IL10: variants seen among roughly 807,000 people sequenced by gnomAD.
The protein encoded by IL10 is interleukin-10.
Under a neutral mutation model 21.0 loss-of-function variants are expected in IL10, and 7 were observed. That is an observed-to-expected ratio of 0.33 (90% CI 0.19 to 0.63). The LOEUF (loss-of-function observed/expected upper bound fraction) is 0.63. Among genes scored for constraint, IL10 ranks in the 20% least tolerant of loss-of-function variants. The pLI is 0.77. For synonymous variants in IL10, 83 were observed against 79.7 expected, an observed-to-expected ratio of 1.04 and a Z score of -0.22; for missense variants, 161 against 213.0, an observed-to-expected ratio of 0.76 and a Z score of 1.52.
At chr1:206,769,606 C>T (rs1392430004) in intron 4 of IL10, 14 of 605,098 alleles carry the variant, frequency 2.3e-5, no homozygotes, top group East Asian at 1.1e-4. Context: ...GCAAAGGCAG[C>T]GAGCAGTCAT....
chr1:206,769,979 G>C, intron 3 of IL10, 85 bp from the exon 4 acceptor site: 1 of 1,056,046 alleles, frequency 9.5e-7, no homozygotes, highest in Non-Finnish European at 1.5e-6. Context: ...GTGGCATCAT[G>C]AGGAGGCCAG....
chr1:206,769,761 T>G, intron 4 of IL10, 68 bp downstream of exon 4: 1 of 1,227,608 alleles, frequency 8.1e-7, no homozygotes, highest in Non-Finnish European at 1.2e-6. Context: ...CCACCTTCCA[T>G]GCTTTGGGGT....
At position 206,770,984 on chromosome 1, in the gene IL10, G is replaced by T. The variant is rs777582308; in HGVS notation, c.301C>A (p.Gln101Lys). The change falls in exon 3 of 5, where the codon CAA becomes AAA. Residue 101 changes from glutamine to lysine, a missense_variant. Coordinates refer to ENST00000423557, the MANE Select transcript of IL10 (RefSeq NM_000572.3). The stretch of plus-strand genomic sequence containing the variant: ...ACATGCGCCTTGATGTCTGGGTCTT[G>T]GTTCTCAGCTTGGGGCATCACCTCC... ...LEEVMPQAEN[Q>K]DPDIKAHVNS... The T allele has an allele frequency of 1.9e-6, 3 of 1,614,104 alleles. No individual in the cohort carries two copies. Among genetic ancestry groups the T allele is most frequent in the Non-Finnish European group, 1.7e-6 (2 of 1,179,972 alleles).
chr1:206,769,170 C>CCCCCTG (rs1181472652), intron 4 of IL10, among the ~76,000 whole-genome samples: 5 of 152,212 alleles, frequency 3.3e-5, no homozygotes, highest in Admixed American at 6.5e-5. Context: ...GAAATTCACA[C>CCCCCTG]CCCCTGATGT....
intron 3 of IL10, 84 bp from the exon 4 acceptor site, chr1:206,769,978 T>C (rs1674773921): frequency 1.8e-6 from 2 of 1,082,152 alleles, no homozygotes; most frequent in Non-Finnish European, 1.4e-6. Context: ...GGTGGCATCA[T>C]GAGGAGGCCA....
chr1:206,771,391 A>T lies in IL10; in HGVS notation c.190T>A (p.Leu64Met). ...TCCAGCAAGGACTCCTTTAACAACAAGTTGTCCAGCTGATCCTTCATTTGC... is the reference window on the plus strand; with the variant it reads ...TCCAGCAAGGACTCCTTTAACAACATGTTGTCCAGCTGATCCTTCATTTGC... Reference protein sequence around the residue: ...FFQMKDQLDNLLLKESLLEDF... With the variant: ...FFQMKDQLDNMLLKESLLEDF... Residue 64 changes from leucine (L) to methionine (M), a missense_variant, in exon 2 of 5, where the codon TTG becomes ATG. Physicochemically the swap from Leu to Met is conservative, Grantham distance 15 (BLOSUM62 2). Coordinates refer to ENST00000423557, the MANE Select transcript of IL10 (RefSeq NM_000572.3). 1 of 1,613,096 alleles carries T rather than the reference A, an allele frequency of 6.2e-7. No homozygotes were observed.
chr1:206,770,856 A>C (rs867226419), intron 3 of IL10, 51 bp downstream of exon 3: 3 of 1,565,376 alleles, frequency 1.9e-6, no homozygotes, highest in Middle Eastern at 1.7e-4. Flanking sequence ...GGTCTGTAGG[A>C]GATGGTATTT....
intron 1 of IL10, among the ~76,000 whole-genome samples, chr1:206,771,822 A>T (rs998107111): frequency 6.6e-6 from 1 of 152,198 alleles, no homozygotes; most frequent in Admixed American, 6.6e-5. Flanking sequence ...CCCAGGGATT[A>T]AGAAGCTCCT....
chr1:206,770,717 A>T, intron 3 of IL10, 190 bp downstream of exon 3: 1 of 627,412 alleles, frequency 1.6e-6, no homozygotes, highest in Non-Finnish European at 2.8e-6. Context: ...GTAAATGCCT[A>T]GCAGCCACCC....
intron 2 of IL10, 96 bp downstream of exon 2, chr1:206,771,260 G>T: frequency 1.6e-6 from 2 of 1,277,844 alleles, no homozygotes; most frequent in Non-Finnish European, 2.3e-6. Flanking sequence ...TTTTCAAAGC[G>T]AAGGAAACAA....
chr1:206,770,518 T>G, intron 3 of IL10: 1 of 279,096 alleles, frequency 3.6e-6, no homozygotes, highest in Non-Finnish European at 7.0e-6. Flanking sequence ...TTTCAAAACA[T>G]TGAGATTAAA....
At position 206,772,292 on chromosome 1, in the gene IL10, G is replaced by T. The variant is rs745923816; in HGVS notation, c.144C>A (p.Phe48Leu). The change falls in exon 1 of 5, where the codon TTC becomes TTA. Residue 48 changes from phenylalanine to leucine, a missense_variant. By Grantham distance (22) the Phe-to-Leu change is conservative. Coordinates refer to ENST00000423557, the MANE Select transcript of IL10 (RefSeq NM_000572.3). ...TCACAAAGAAAGTCTTCACTCTGCT[G>T]AAGGCATCTCGGAGATCTCGAAGCA... The part of the protein sequence containing the change: ...PNMLRDLRDA[F>L]SRVKTFFQMK... 1 of 1,614,168 alleles carries T rather than the reference G, an allele frequency of 6.2e-7. No individual in the cohort carries two copies. The highest frequency in any genetic ancestry group is 8.5e-7 in the Non-Finnish European group (1 of 1,179,982).
chr1:206,771,072 G>C lies in IL10; in HGVS notation c.226-13C>G, dbSNP rs1349884923. The stretch of plus-strand genomic sequence containing the variant: ...AACCCAGGTAACCCTAAGGGCAGGA[G>C]CCAAAGGTGAGTGAGAGATTGGCGG... On this transcript the variant is annotated splice_polypyrimidine_tract_variant and intron_variant, in intron 2 of 4. Transcript: ENST00000423557. 3 of 1,613,976 alleles carry C rather than the reference G, an allele frequency of 1.9e-6. No homozygotes were observed. The highest frequency in any genetic ancestry group is 3.3e-5 in the Admixed American group (2 of 60,030).
Position 206,771,130 on chromosome 1 carries a change from C to T in IL10, c.226-71G>A, listed in dbSNP as rs904512012. 1.4e-5 allele frequency: 22 copies of T among 1,517,784 alleles called. No homozygotes were observed. The Admixed American group carries it at 3.5e-4, about 24-fold the overall frequency. 94.0% of individuals were successfully genotyped at this position (1,517,784 alleles called of 1,614,324 possible). On this transcript the variant is annotated intron_variant, in intron 2 of 4. Transcript: ENST00000423557. ...TGGGAGGAGGGGCTGCTGCAACTAG[C>T]TTAAGAGGACAGCTTGGTTCTAGCG...
chr1:206,771,439 T>G, intron 1 of IL10, 24 bp from the exon 2 acceptor site: 1 of 1,583,740 alleles, frequency 6.3e-7, no homozygotes, highest in Non-Finnish European at 8.6e-7. Context: ...AAAAGGAGAA[T>G]GAACTTGAGG....
Position 206,770,979 on chromosome 1 carries a change from G to T in IL10, c.306C>A (p.Asp102Glu). The T allele has an allele frequency of 1.2e-6, 2 of 1,614,146 alleles. No homozygotes were observed. The highest frequency in any genetic ancestry group is 1.7e-6 in the Non-Finnish European group (2 of 1,179,982). Residue 102 changes from aspartate (D) to glutamate (E), a missense_variant, in exon 3 of 5, where the codon GAC (aspartate) becomes GAA (glutamate). Physicochemically the swap from Asp to Glu is conservative, Grantham distance 45. Transcript: ENST00000423557. Reference protein sequence around the residue: ...EEVMPQAENQDPDIKAHVNSL... With the variant: ...EEVMPQAENQEPDIKAHVNSL... ...AGTTCACATGCGCCTTGATGTCTGG[G>T]TCTTGGTTCTCAGCTTGGGGCATCA...
At position 206,771,012 on chromosome 1, in the gene IL10, C is replaced by T. The variant is rs1674815134; in HGVS notation, c.273G>A (p.Leu91=). 1.2e-6 allele frequency: 2 copies of T among 1,614,172 alleles called. No individual in the cohort carries two copies. Among genetic ancestry groups the T allele is most frequent in the Middle Eastern group, 1.6e-4 (1 of 6,062 alleles). ...TCTCAGCTTGGGGCATCACCTCCTC[C>T]AGGTAAAACTGGATCATCTCAGACA... ...QALSEMIQFY[L]EEVMPQAENQ... is the part of the protein sequence containing the mutation. Residue 91 remains leucine, a synonymous_variant, in exon 3 of 5, where the codon CTG becomes CTA. Coordinates refer to ENST00000423557, the MANE Select transcript of IL10 (RefSeq NM_000572.3).
intron 2 of IL10, 97 bp downstream of exon 2, chr1:206,771,259 C>G (rs534191384): frequency 1.6e-6 from 2 of 1,263,848 alleles, no homozygotes; most frequent in Non-Finnish European, 2.3e-6. Flanking sequence ...CTTTTCAAAG[C>G]GAAGGAAACA....
intron 4 of IL10, 94 bp downstream of exon 4, chr1:206,769,735 G>T: frequency 1.1e-6 from 1 of 925,946 alleles, no homozygotes; most frequent in East Asian, 2.4e-5. Context: ...GAAGAATGGG[G>T]CCTATTGAGT....
Sources: allele counts gnomAD v4.1 joint callset (sites outside exome capture counted in the v4.1 genomes callset), GRCh38; gene constraint gnomAD v4.1.1; transcripts MANE v1.5; gene names NCBI Gene and HGNC (gene_info 2026-07-23, HGNC 2026-07-21).